RFX7: variants seen among roughly 807,000 people sequenced by gnomAD.
RFX7 encodes regulatory factor X7.
In RFX7, 26 loss-of-function variants were observed where a neutral mutation model predicts 111.8. The ratio of observed to expected loss-of-function variants is 0.23; its 90% CI spans 0.17 to 0.32. The LOEUF is 0.32. Ranked by LOEUF, RFX7 falls within the 10% of genes least tolerant of loss-of-function variation. RFX7 has a pLI of 1.00. For synonymous variants in RFX7, 624 were observed against 624.4 expected (o/e 1.00, Z 0.01); for missense variants, 1,573 against 1,772.9 (o/e 0.89, Z 2.02).
chr15:56,127,724 T>C (rs1023432879), intron 5 of RFX7, among the ~76,000 whole-genome samples: 4 of 151,768 alleles, frequency 2.6e-5, no homozygotes, highest in African/African-American at 9.7e-5. Context: ...ATTTTTGTAT[T>C]TTCAGTAGAG....
intron 2 of RFX7, among the ~76,000 whole-genome samples, chr15:56,226,537 G>A (rs1374345017): frequency 6.6e-6 from 1 of 152,118 alleles, no homozygotes; most frequent in Non-Finnish European, 1.5e-5. Context: ...TCATTTTCAG[G>A]AAGCCAAAGA....
chr15:56,183,448 A>G (rs981636091), intron 2 of RFX7, among the ~76,000 whole-genome samples: 4 of 152,144 alleles, frequency 2.6e-5, no homozygotes, highest in Admixed American at 6.5e-5. Context: ...ATTCTTGTAT[A>G]TGGTATAGTG....
intron 3 of RFX7, among the ~76,000 whole-genome samples, chr15:56,154,206 C>T (rs1490312072): frequency 6.6e-6 from 1 of 152,156 alleles, no homozygotes; most frequent in Admixed American, 6.5e-5. Flanking sequence ...GTCATACTGC[C>T]CAAAGTAATT....
At position 56,092,942 on chromosome 15, in the gene RFX7, A is replaced by ATGAT. The variant is rs2041615795; in HGVS notation, c.*399_*402dup. The ATGAT allele has an allele frequency of 1.2e-5, 2 of 161,172 alleles. No homozygotes were observed. Among genetic ancestry groups the ATGAT allele is most frequent in the African/African-American group, 4.8e-5 (2 of 41,572 alleles). 10.0% of individuals were successfully genotyped at this position (161,172 alleles called of 1,614,324 possible). A position where few individuals can be genotyped will look rare whatever the true frequency, so the allele number is the denominator to read the frequency against. ...TTCTTGTCTACAGTTCACCCTAGCTATGATTTTATATCTAAAAGATAATGC... is the reference window on the plus strand; with the variant it reads ...TTCTTGTCTACAGTTCACCCTAGCTATGATTGATTTTATATCTAAAAGATAATGC... On this transcript the variant is annotated 3_prime_UTR_variant, in exon 10 of 10. Coordinates refer to ENST00000559447, the MANE Select transcript of RFX7 (RefSeq NM_022841.7).
chr15:56,225,557 C>G (rs1318025708), intron 2 of RFX7, among the ~76,000 whole-genome samples: 1 of 152,150 alleles, frequency 6.6e-6, no homozygotes, highest in African/African-American at 2.4e-5. Flanking sequence ...GTAGGTAATT[C>G]ACAACATTTC....
At chr15:56,159,058 CT>C (rs1316623412) in intron 3 of RFX7, among the ~76,000 whole-genome samples, 2 of 152,102 alleles carry the variant, frequency 1.3e-5, no homozygotes, top group Non-Finnish European at 2.9e-5. Flanking sequence ...TGAGTTCAAC[CT>C]TTCTCGATTC....
At position 56,093,976 on chromosome 15, in the gene RFX7, T is replaced by C. The variant is rs200121219; in HGVS notation, c.3752A>G (p.Asn1251Ser). ...QKQANSKKIT[N>S]VLLSKLDSDN... ...GGAATCAAGTTTACTCAACAAAACA[T>C]TGGTTATTTTTTTACTGTTTGCTTG... The change falls in exon 10 of 10, where the codon AAT (asparagine) becomes AGT (serine). Residue 1251 changes from asparagine to serine, a missense_variant. Transcript: ENST00000559447. The C allele has an allele frequency of 1.1e-4, 177 of 1,613,928 alleles. No individual in the cohort carries two copies. The highest frequency in any genetic ancestry group is 3.7e-4 in the Admixed American group (22 of 60,016).
At chr15:56,140,948 T>G (rs1445943991) in intron 5 of RFX7, among the ~76,000 whole-genome samples, 1 of 152,156 alleles carries the variant, frequency 6.6e-6, no homozygotes, top group East Asian at 1.9e-4. Flanking sequence ...TAAGGTATCA[T>G]GAAGGGTGGT....
intron 3 of RFX7, among the ~76,000 whole-genome samples, chr15:56,178,210 C>A (rs1039064539): frequency 8.5e-6 from 1 of 117,698 alleles, no homozygotes; most frequent in South Asian, 3.0e-4. Context: ...CACACACACA[C>A]AACAAAAAGA....
intron 5 of RFX7, among the ~76,000 whole-genome samples, chr15:56,111,620 C>G (rs1300716466): frequency 1.6e-5 from 2 of 128,040 alleles, no homozygotes; most frequent in Admixed American, 9.5e-5. Context: ...TCCCCCTCTG[C>G]GAGAAACACC....
At chr15:56,132,824 TAATA>T (rs2042237155) in intron 5 of RFX7, among the ~76,000 whole-genome samples, 1 of 152,112 alleles carries the variant, frequency 6.6e-6, no homozygotes, top group African/African-American at 2.4e-5. Flanking sequence ...ATTTAGTGAA[TAATA>T]AATAACAGTA....
In RFX7 at chr15:56,089,810, C is replaced by T. The variant is rs2041573783; in HGVS notation, c.*3535G>A. ...TTTACCTCTCCCTTCCTAATCTCCA[C>T]TCCTTTCCTTTTGTAATTGCTTCTA... On this transcript the variant is annotated 3_prime_UTR_variant, in exon 10 of 10. Coordinates refer to ENST00000559447, the MANE Select transcript of RFX7 (RefSeq NM_022841.7). The T allele has an allele frequency of 6.6e-6, 1 of 152,118 alleles. No individual in the cohort carries two copies. Among genetic ancestry groups the T allele is most frequent in the Non-Finnish European group, 1.5e-5 (1 of 68,044 alleles). The allele number at this position is 152,118 out of a possible 1,614,324, so 9.4% of individuals were successfully genotyped here.
At position 56,128,943 on chromosome 15, in the gene RFX7, C is replaced by T. The variant is rs183838430; in HGVS notation, c.401+13835G>A. 3.3e-4 allele frequency among the ~76,000 whole-genome samples: 50 copies of T among 151,542 alleles called. No homozygotes were observed. The East Asian group carries it at 5.0e-3, about 15-fold the overall frequency. On this transcript the variant is annotated intron_variant, in intron 5 of 9. Transcript: ENST00000559447. ...CCAAAAGTGTTATTAAAAATAATTC[C>T]ACTTCAATCAAAAATATTGAGCAAT...
chr15:56,157,418 T>C (rs182634113), intron 3 of RFX7, among the ~76,000 whole-genome samples: 68 of 152,344 alleles, frequency 4.5e-4, no homozygotes, highest in Non-Finnish European at 4.6e-4. Flanking sequence ...AACTAAAAAT[T>C]GTCCCAGTAT....
chr15:56,206,985 T>G (rs1410727749), intron 2 of RFX7, among the ~76,000 whole-genome samples: 1 of 151,988 alleles, frequency 6.6e-6, no homozygotes, highest in Non-Finnish European at 1.5e-5. Context: ...ACTGAACATT[T>G]AAAAATCACT....
At chr15:56,229,986 A>G (rs1179708042) in intron 2 of RFX7, among the ~76,000 whole-genome samples, 1 of 152,106 alleles carries the variant, frequency 6.6e-6, no homozygotes, top group Non-Finnish European at 1.5e-5. Flanking sequence ...CTCCTTCCTT[A>G]TCTGCCCTCA....
chr15:56,232,738 C>T (rs2043578565), intron 2 of RFX7, among the ~76,000 whole-genome samples: 1 of 152,176 alleles, frequency 6.6e-6, no homozygotes, highest in Non-Finnish European at 1.5e-5. Flanking sequence ...TACCCTAAAT[C>T]ATCTCCCCCA....
chr15:56,109,076 C>G (rs997369491), intron 5 of RFX7, among the ~76,000 whole-genome samples: 6 of 152,184 alleles, frequency 3.9e-5, no homozygotes, highest in Non-Finnish European at 8.8e-5. Flanking sequence ...CCTCTTTCCA[C>G]GGTCTCCCTC....
In RFX7 at chr15:56,134,161, C is replaced by G. The variant is rs551099531; in HGVS notation, c.401+8617G>C. 5.9e-5 allele frequency among the ~76,000 whole-genome samples: 9 copies of G among 152,268 alleles called. No individual in the cohort carries two copies. The East Asian group carries it at 1.5e-3, about 26-fold the overall frequency. The stretch of plus-strand genomic sequence containing the variant: ...TCACTCATGAAATCTGAGTTCTAGT[C>G]TTAGATCTGCCCCTCACTAGTTTTG... On this transcript the variant is annotated intron_variant, in intron 5 of 9. Transcript: ENST00000559447.
Sources: gnomAD v4.1 joint callset for allele counts (sites outside exome capture counted in the v4.1 genomes callset) on GRCh38, gnomAD v4.1.1 for gene constraint, MANE v1.5 for transcripts, NCBI Gene and HGNC (gene_info 2026-07-23, HGNC 2026-07-21) for gene names.